GAP43: variants seen among roughly 807,000 people sequenced by gnomAD.
GAP43 encodes the protein growth associated protein 43, also known as neuromodulin.
In GAP43, 6 loss-of-function variants were observed where a neutral mutation model predicts 18.6. The ratio of observed to expected loss-of-function variants is 0.32; its 90% CI spans 0.18 to 0.64. The LOEUF is 0.64. Among genes scored for constraint, GAP43 ranks in the 30% least tolerant of loss-of-function variants. The pLI, the probability that GAP43 is intolerant of heterozygous loss-of-function variation, is 0.78. For synonymous variants in GAP43, 115 were observed against 111.4 expected (o/e 1.03, Z -0.20); for missense variants, 292 against 295.5 (o/e 0.99, Z 0.09).
rs559772088 is a variant in GAP43 at position 115,626,309 on chromosome 3, G to A, written c.30+2590G>A. On this transcript the variant is annotated intron_variant, in intron 1 of 2. Transcript: ENST00000305124. ...ATAAAATCCAGCAGAAACGTGGGAGGGGGGCTGAAGGGCTTGCACTTCCTT... is the reference window on the plus strand; with the variant it reads ...ATAAAATCCAGCAGAAACGTGGGAGAGGGGCTGAAGGGCTTGCACTTCCTT... 1.8e-3 allele frequency among the ~76,000 whole-genome samples: 271 copies of A among 152,238 alleles called. 1 individual carries two copies. Among genetic ancestry groups the A allele is most frequent in the African/African-American group, 6.0e-3 (251 of 41,502 alleles).
intron 1 of GAP43, among the ~76,000 whole-genome samples, chr3:115,648,398 CA>C (rs1321177736): frequency 6.6e-6 from 1 of 152,088 alleles, no homozygotes. Context: ...TGTCCTATTT[CA>C]AACCCACTGC....
At chr3:115,677,836 G>A (rs1257699470) in intron 2 of GAP43, among the ~76,000 whole-genome samples, 2 of 152,148 alleles carry the variant, frequency 1.3e-5, no homozygotes, top group Non-Finnish European at 2.9e-5. Flanking sequence ...GTAATGACTG[G>A]ACTTTTACCT....
At chr3:115,637,783 A>C (rs1261343188) in intron 1 of GAP43, among the ~76,000 whole-genome samples, 1 of 152,024 alleles carries the variant, frequency 6.6e-6, no homozygotes, top group African/African-American at 2.4e-5. Flanking sequence ...AACAGGTCTT[A>C]AAAGTAAGTC....
chr3:115,641,042 T>TA (rs1708389279), intron 1 of GAP43, among the ~76,000 whole-genome samples: 2 of 150,238 alleles, frequency 1.3e-5, no homozygotes, highest in Non-Finnish European at 3.0e-5. Context: ...TTTTTCTTTT[T>TA]TTTTTTTCAA....
At chr3:115,629,480 T>C (rs1708235415) in intron 1 of GAP43, among the ~76,000 whole-genome samples, 8 of 151,676 alleles carry the variant, frequency 5.3e-5, no homozygotes, top group Admixed American at 5.3e-4. Flanking sequence ...TACTCCACTC[T>C]CTGCCCATGT....
At chr3:115,634,955 G>A (rs557421438) in intron 1 of GAP43, among the ~76,000 whole-genome samples, 2 of 152,202 alleles carry the variant, frequency 1.3e-5, no homozygotes, top group East Asian at 1.9e-4. Context: ...TTGCATTTCG[G>A]TCTTTAAATC....
intron 2 of GAP43, among the ~76,000 whole-genome samples, chr3:115,698,344 G>A (rs372014111): frequency 2.0e-5 from 1 of 50,054 alleles, no homozygotes; most frequent in Non-Finnish European, 5.0e-5. Flanking sequence ...CAGTTCTGTC[G>A]GTCATGATCA....
At chr3:115,626,427 A>G (rs1188291468) in intron 1 of GAP43, among the ~76,000 whole-genome samples, 1 of 152,186 alleles carries the variant, frequency 6.6e-6, no homozygotes, top group South Asian at 2.1e-4. Flanking sequence ...AATGATCTCT[A>G]TTAGCCATTA....
At chr3:115,648,936 A>T (rs543734327) in intron 1 of GAP43, among the ~76,000 whole-genome samples, 1 of 152,156 alleles carries the variant, frequency 6.6e-6, no homozygotes, top group Non-Finnish European at 1.5e-5. Context: ...ACCATTGATA[A>T]TCTCTGAGTG....
In GAP43 at chr3:115,644,757, G is replaced by A. The variant is rs1235484984; in HGVS notation, c.30+21038G>A. 6.6e-6 allele frequency among the ~76,000 whole-genome samples: 1 copy of A among 152,024 alleles called. No individual in the cohort carries two copies. Among genetic ancestry groups the A allele is most frequent in the African/African-American group, 2.4e-5 (1 of 41,428 alleles). ...GAAAATTTGATTTGTGGGAATTGAAGGATAAAATGTATAATGGCAAGTGGC... is the reference window on the plus strand; with the variant it reads ...GAAAATTTGATTTGTGGGAATTGAAAGATAAAATGTATAATGGCAAGTGGC... On this transcript the variant is annotated intron_variant, in intron 1 of 2. Coordinates refer to ENST00000305124, the MANE Select transcript of GAP43 (RefSeq NM_002045.4). The surrounding 1 kb of genome is among the most constrained non-coding windows in gnomAD (Gnocchi z 4.2).
chr3:115,641,231 CCTT>C (rs1181140781), intron 1 of GAP43, among the ~76,000 whole-genome samples: 5 of 151,640 alleles, frequency 3.3e-5, no homozygotes, highest in Admixed American at 6.6e-5. Flanking sequence ...TGAAAAATCA[CCTT>C]CTTCATAAAA....
At chr3:115,638,144 C>T (rs746832179) in intron 1 of GAP43, among the ~76,000 whole-genome samples, 19 of 152,072 alleles carry the variant, frequency 1.2e-4, no homozygotes, top group Non-Finnish European at 2.4e-4. Flanking sequence ...CAACCCTTTA[C>T]AATCTTTCCC....
chr3:115,716,809 AACTG>A (rs761664176), intron 2 of GAP43, among the ~76,000 whole-genome samples: 307 of 137,434 alleles, frequency 2.2e-3, no homozygotes, highest in Middle Eastern at 0.012. Flanking sequence ...TGTTCCAGCT[AACTG>A]ACTAACATTT....
intron 1 of GAP43, among the ~76,000 whole-genome samples, chr3:115,665,392 A>G (rs567683636): frequency 4.1e-4 from 62 of 152,248 alleles, no homozygotes; most frequent in African/African-American, 1.4e-3. Flanking sequence ...TGAATTTTCT[A>G]TTAGTTTCCT....
At chr3:115,683,149 A>ACACACG (rs1559800461) in intron 2 of GAP43, among the ~76,000 whole-genome samples, 1 of 68,802 alleles carries the variant, frequency 1.5e-5, no homozygotes, top group Non-Finnish European at 3.8e-5. Context: ...GCGCGCGCGC[A>ACACACG]CACACACACA....
At chr3:115,716,028 G>A (rs1340979259) in intron 2 of GAP43, among the ~76,000 whole-genome samples, 1 of 152,152 alleles carries the variant, frequency 6.6e-6, no homozygotes, top group African/African-American at 2.4e-5. Context: ...CAATGATACA[G>A]GTACACTTCG....
chr3:115,654,610 G>A (rs1251199820), intron 1 of GAP43, among the ~76,000 whole-genome samples: 1 of 152,160 alleles, frequency 6.6e-6, no homozygotes, highest in Non-Finnish European at 1.5e-5. Flanking sequence ...AACGTTGGCT[G>A]GACAAAAGAT....
chr3:115,663,654 A>T, intron 1 of GAP43: 1 of 1,430,268 alleles, frequency 7.0e-7, no homozygotes, highest in Non-Finnish European at 9.1e-7. Flanking sequence ...GCCCTTGCTT[A>T]AAAAATTTTA....
intron 1 of GAP43, among the ~76,000 whole-genome samples, chr3:115,635,080 C>G (rs1708311243): frequency 1.3e-5 from 2 of 152,074 alleles, no homozygotes; most frequent in African/African-American, 4.8e-5. Flanking sequence ...AAAATCCAAA[C>G]TGGGAGTTTG....
Sources: allele counts gnomAD v4.1 joint callset (sites outside exome capture counted in the v4.1 genomes callset), GRCh38; gene constraint gnomAD v4.1.1; non-coding constraint Gnocchi (gnomAD v3.1); transcripts MANE v1.5; gene names NCBI Gene and HGNC (gene_info 2026-07-23, HGNC 2026-07-21).